Variants in KCNQ5 observed in about 807,000 individuals in gnomAD.
KCNQ5 encodes the protein potassium voltage-gated channel subfamily Q member 5.
A neutral mutation model predicts 98.2 loss-of-function variants in KCNQ5; 30 were observed. The ratio of observed to expected loss-of-function variants is 0.31; its 90% CI spans 0.23 to 0.41. The LOEUF (loss-of-function observed/expected upper bound fraction) is 0.41. KCNQ5 is among the 10% of genes least tolerant of loss of function. KCNQ5 has a pLI of 1.00. For missense variants in KCNQ5, 835 were observed against 1,182.5 expected (o/e 0.71, Z 4.31); for synonymous variants, 458 against 449.4 (o/e 1.02, Z -0.24).
At chr6:72,670,579 C>T (rs1767052385) in intron 1 of KCNQ5, among the ~76,000 whole-genome samples, 1 of 152,118 alleles carries the variant, frequency 6.6e-6, no homozygotes, top group African/African-American at 2.4e-5. Flanking sequence ...TGGTATTAAA[C>T]AACAGAATAA....
chr6:72,638,845 A>G (rs2098925662), intron 1 of KCNQ5, among the ~76,000 whole-genome samples: 1 of 152,302 alleles, frequency 6.6e-6, no homozygotes, highest in Middle Eastern at 3.4e-3. Context: ...CATGACAAGG[A>G]CCTGGACTGC....
At chr6:72,675,080 AGTT>A (rs1203829918) in intron 1 of KCNQ5, among the ~76,000 whole-genome samples, 1 of 152,188 alleles carries the variant, frequency 6.6e-6, no homozygotes, top group Non-Finnish European at 1.5e-5. Context: ...AAAATTCAGT[AGTT>A]ATTTTTTGCT....
intron 1 of KCNQ5, among the ~76,000 whole-genome samples, chr6:72,831,898 A>G (rs1202534427): frequency 6.6e-6 from 1 of 152,008 alleles, no homozygotes. Flanking sequence ...AGGCTGGGAA[A>G]CATGAATTGT....
At chr6:72,669,265 C>T (rs1253522095) in intron 1 of KCNQ5, among the ~76,000 whole-genome samples, 1 of 152,090 alleles carries the variant, frequency 6.6e-6, no homozygotes, top group Non-Finnish European at 1.5e-5. Flanking sequence ...AATGATGAGA[C>T]AGTTATAGGA....
At chr6:72,814,302 G>A (rs986931403) in intron 1 of KCNQ5, among the ~76,000 whole-genome samples, 3 of 152,166 alleles carry the variant, frequency 2.0e-5, no homozygotes, top group African/African-American at 7.2e-5. Context: ...CCAACCTGCA[G>A]CCAGGCTGCC....
At chr6:72,897,965 A>G (rs1233988652) in intron 1 of KCNQ5, among the ~76,000 whole-genome samples, 1 of 152,210 alleles carries the variant, frequency 6.6e-6, no homozygotes, top group Non-Finnish European at 1.5e-5. Flanking sequence ...TACTACCAAA[A>G]CAGACCAAGG....
intron 10 of KCNQ5, among the ~76,000 whole-genome samples, chr6:73,160,176 G>T (rs1777558762): frequency 6.7e-6 from 1 of 148,498 alleles, no homozygotes; most frequent in Non-Finnish European, 1.5e-5. Flanking sequence ...ACGACGCCCG[G>T]CTGTTTTTTT....
chr6:73,109,189 A>G (rs1336027652), intron 6 of KCNQ5, among the ~76,000 whole-genome samples: 2 of 152,226 alleles, frequency 1.3e-5, no homozygotes, highest in Admixed American at 1.3e-4. Context: ...AACATTTACC[A>G]TTCACTAATA....
At chr6:72,941,345 CTTCCTTCCTTCTTTT>C (rs1766235748) in intron 1 of KCNQ5, among the ~76,000 whole-genome samples, 1 of 41,740 alleles carries the variant, frequency 2.4e-5, no homozygotes, top group African/African-American at 3.7e-5. Flanking sequence ...TCCTTCCTTT[CTTCCTTCCTTCTTTT>C]CTTCCTTCCT....
intron 2 of KCNQ5, among the ~76,000 whole-genome samples, chr6:73,006,393 T>C (rs775604535): frequency 2.8e-5 from 4 of 141,398 alleles, no homozygotes; most frequent in Non-Finnish European, 5.9e-5. Context: ...GACTCATGCA[T>C]GTAATCCCAG....
intron 1 of KCNQ5, among the ~76,000 whole-genome samples, chr6:72,863,565 A>G (rs566640654): frequency 1.3e-5 from 2 of 152,210 alleles, no homozygotes; most frequent in South Asian, 4.1e-4. Flanking sequence ...AACTGCAAAG[A>G]AAGTCAGCTA....
chr6:72,917,613 C>T (rs1780208604), intron 1 of KCNQ5, among the ~76,000 whole-genome samples: 1 of 152,050 alleles, frequency 6.6e-6, no homozygotes, highest in African/African-American at 2.4e-5. Flanking sequence ...GTTGGGACTA[C>T]AGGCACATGC....
At chr6:72,815,020 G>A (rs1021325165) in intron 1 of KCNQ5, among the ~76,000 whole-genome samples, 2 of 152,212 alleles carry the variant, frequency 1.3e-5, no homozygotes, top group Non-Finnish European at 2.9e-5. Flanking sequence ...GGCATGGTAA[G>A]GGAGTGGAGA....
chr6:72,761,405 A>G (rs1229004210), intron 1 of KCNQ5, among the ~76,000 whole-genome samples: 6 of 151,974 alleles, frequency 3.9e-5, no homozygotes, highest in South Asian at 2.1e-4. Context: ...ATTAATTGAT[A>G]GTTATTTTAA....
At position 72,858,314 on chromosome 6, in the gene KCNQ5, A is replaced by T. The variant is rs541189563; in HGVS notation, c.399-145594A>T. On this transcript the variant is annotated intron_variant, in intron 1 of 13. Transcript: ENST00000370398. Reference sequence around the variant, plus strand: ...TGTGGCATGTCTCTACATCCATAGAAATTTATTTCAAAAGTTCGTTTGCAT... The same window carrying T: ...TGTGGCATGTCTCTACATCCATAGATATTTATTTCAAAAGTTCGTTTGCAT... Among the ~76,000 whole-genome samples, 6 of 152,192 alleles carry T rather than the reference A, an allele frequency of 3.9e-5. No homozygotes were observed. In the South Asian group the frequency reaches 1.2e-3, roughly 32 times the overall value.
chr6:73,002,643 T>C (rs1294690951), intron 1 of KCNQ5, among the ~76,000 whole-genome samples: 2 of 152,166 alleles, frequency 1.3e-5, no homozygotes, highest in East Asian at 1.9e-4. Flanking sequence ...GGGTCATCTA[T>C]TGACCCCTGA....
intron 2 of KCNQ5, among the ~76,000 whole-genome samples, chr6:73,025,010 G>T (rs932734569): frequency 1.7e-4 from 26 of 152,176 alleles, no homozygotes; most frequent in African/African-American, 6.0e-4. Context: ...CGGGAAGATA[G>T]GTATTATGTC....
intron 1 of KCNQ5, among the ~76,000 whole-genome samples, chr6:72,939,515 T>G (rs915579961): frequency 3.9e-5 from 6 of 152,220 alleles, no homozygotes; most frequent in Admixed American, 1.3e-4. Context: ...TTCTTCAACG[T>G]ACAAACAGGT....
chr6:72,937,652 A>G (rs570780561), intron 1 of KCNQ5, among the ~76,000 whole-genome samples: 1 of 152,316 alleles, frequency 6.6e-6, no homozygotes, highest in African/African-American at 2.4e-5. Flanking sequence ...TCAGCCACAC[A>G]AAGAAGTCCT....
Sources: allele counts gnomAD v4.1 joint callset (sites outside exome capture counted in the v4.1 genomes callset), GRCh38; gene constraint gnomAD v4.1.1; transcripts MANE v1.5; gene names NCBI Gene and HGNC (gene_info 2026-07-23, HGNC 2026-07-21).